The following PRKCA variants were observed in gnomAD, a reference collection of about 807,000 sequenced individuals.
The protein encoded by PRKCA is protein kinase C alpha.
PRKCA carries 27 observed loss-of-function variants against 87.0 expected under a neutral mutation model. That is an observed-to-expected ratio of 0.31 (90% confidence interval 0.23 to 0.43). PRKCA has a LOEUF of 0.43. Among genes scored for constraint, PRKCA ranks in the 20% least tolerant of loss-of-function variants. The probability of loss-of-function intolerance (pLI) is 1.00; values close to 1 mark genes in which losing one functional copy is unlikely to be tolerated. For missense variants in PRKCA, 518 were observed against 852.3 expected (o/e 0.61, Z 4.88); for synonymous variants, 329 against 311.1 (o/e 1.06, Z -0.61).
At chr17:66,766,510 T>A (rs1287873482) in intron 13 of PRKCA, among the ~76,000 whole-genome samples, 1 of 152,170 alleles carries the variant, frequency 6.6e-6, no homozygotes, top group Non-Finnish European at 1.5e-5. Context: ...CTTTACCTGA[T>A]ACACACAGCA....
intron 8 of PRKCA, among the ~76,000 whole-genome samples, chr17:66,719,071 A>G (rs900521160): frequency 6.6e-6 from 1 of 152,160 alleles, no homozygotes; most frequent in African/African-American, 2.4e-5. Flanking sequence ...AAAGGTCACA[A>G]ACAAGTAATT....
intron 2 of PRKCA, among the ~76,000 whole-genome samples, chr17:66,395,944 G>C (rs1910638515): frequency 6.6e-6 from 1 of 151,996 alleles, no homozygotes; most frequent in South Asian, 2.1e-4. Flanking sequence ...CCTTAATTAT[G>C]GGAAGGAATT....
intron 5 of PRKCA, among the ~76,000 whole-genome samples, chr17:66,649,766 G>A (rs1469261382): frequency 1.3e-5 from 2 of 152,188 alleles, no homozygotes; most frequent in African/African-American, 4.8e-5. Flanking sequence ...GGAGAAAAGA[G>A]TAACACAAGA....
intron 3 of PRKCA, among the ~76,000 whole-genome samples, chr17:66,500,125 G>A (rs1381100044): frequency 1.3e-5 from 2 of 152,166 alleles, no homozygotes; most frequent in Non-Finnish European, 2.9e-5. Flanking sequence ...TCTGTCATGT[G>A]AGTACACAGC....
intron 3 of PRKCA, among the ~76,000 whole-genome samples, chr17:66,591,172 A>G (rs1317785582): frequency 6.6e-6 from 1 of 152,150 alleles, no homozygotes; most frequent in Non-Finnish European, 1.5e-5. Context: ...GTTGTTTTAA[A>G]GACAGGGTCT....
chr17:66,441,363 G>C (rs1913745644), intron 2 of PRKCA, among the ~76,000 whole-genome samples: 1 of 151,656 alleles, frequency 6.6e-6, no homozygotes, highest in African/African-American at 2.4e-5. Flanking sequence ...AAAAAGATTG[G>C]GGTGCTCTTA....
At chr17:66,436,865 A>T (rs1913422071) in intron 2 of PRKCA, among the ~76,000 whole-genome samples, 1 of 152,192 alleles carries the variant, frequency 6.6e-6, no homozygotes, top group African/African-American at 2.4e-5. Flanking sequence ...AAGATGTCGT[A>T]TAAGTCAGAT....
At chr17:66,656,448 G>C (rs1971735535) in intron 5 of PRKCA, among the ~76,000 whole-genome samples, 1 of 152,206 alleles carries the variant, frequency 6.6e-6, no homozygotes, top group Non-Finnish European at 1.5e-5. Flanking sequence ...GGTCATTCTT[G>C]TGCAGGATTT....
At chr17:66,509,064 A>T (rs559227063) in intron 3 of PRKCA, among the ~76,000 whole-genome samples, 30 of 152,060 alleles carry the variant, frequency 2.0e-4, no homozygotes, top group Non-Finnish European at 4.1e-4. Context: ...ACACACACTT[A>T]ATAGGCTTCC....
rs148997969 is a variant in PRKCA at position 66,349,643 on chromosome 17, C to T, written c.205+43516C>T. On this transcript the variant is annotated intron_variant, in intron 2 of 16. Transcript: ENST00000413366. ...TCTGGCAGGACAGAGAGGGTTTTCC[C>T]GGGCCTTTAGTTGTCCAGGTCCTGT... Among the ~76,000 whole-genome samples, 357 of 152,210 alleles carry T rather than the reference C, an allele frequency of 2.3e-3. 9 individuals carry two copies. The highest frequency in any genetic ancestry group is 0.021 in the Admixed American group (316 of 15,294).
chr17:66,378,237 C>T lies in PRKCA; in HGVS notation c.205+72110C>T, dbSNP rs560721979. On this transcript the variant is annotated intron_variant, in intron 2 of 16. Coordinates refer to ENST00000413366, the MANE Select transcript of PRKCA (RefSeq NM_002737.3). ...ACTCAGGAGGCTGAGGCAGGAGAAT[C>T]GCTTGAACCTGGAAGGCAGTGAGCT... 3.9e-5 allele frequency among the ~76,000 whole-genome samples: 6 copies of T among 152,172 alleles called. No homozygotes were observed. The South Asian group carries it at 8.3e-4, about 21-fold the overall frequency.
At chr17:66,512,245 C>CA (rs1262152143) in intron 3 of PRKCA, among the ~76,000 whole-genome samples, 3 of 152,114 alleles carry the variant, frequency 2.0e-5, no homozygotes, top group Admixed American at 1.3e-4. Flanking sequence ...TATGTATACC[C>CA]AGCCTGGCCA....
At chr17:66,644,807 A>G (rs4393603) in intron 4 of PRKCA, among the ~76,000 whole-genome samples, 95,822 of 151,758 alleles carry the variant, frequency 0.63, 30,425 homozygotes, top group African/African-American at 0.72. Flanking sequence ...GCCCAGAATG[A>G]CATAAAGAAT....
chr17:66,480,267 G>A (rs543713293), intron 2 of PRKCA, among the ~76,000 whole-genome samples: 2 of 152,140 alleles, frequency 1.3e-5, no homozygotes, highest in Middle Eastern at 6.8e-3. Flanking sequence ...TCCCTTGGAC[G>A]CCTTCAGATT....
chr17:66,771,127 C>T (rs925787789), intron 13 of PRKCA, among the ~76,000 whole-genome samples: 2 of 151,866 alleles, frequency 1.3e-5, no homozygotes, highest in Admixed American at 6.6e-5. Context: ...CTCAGCCTCC[C>T]GAGTAGCTGG....
In PRKCA at chr17:66,803,205, G is replaced by C. The variant is rs1327765815; in HGVS notation, c.1855-668G>C. Among the ~76,000 whole-genome samples, 1 of 152,098 alleles carries C rather than the reference G, an allele frequency of 6.6e-6. No individual in the cohort carries two copies. Among genetic ancestry groups the C allele is most frequent in the Non-Finnish European group, 1.5e-5 (1 of 68,022 alleles). ...GCCATGCAAACATCCTCCAGCCTGA[G>C]ACCACCCTGCAAATAAGCTCCAGTC... On this transcript the variant is annotated intron_variant, in intron 16 of 16. Coordinates refer to ENST00000413366, the MANE Select transcript of PRKCA (RefSeq NM_002737.3). This position sits in a 1 kb window ranked among gnomAD's most constrained non-coding sequence, Gnocchi z 4.4.
intron 2 of PRKCA, chr17:66,403,770 C>T (rs1166566275): frequency 6.6e-6 from 1 of 152,068 alleles, no homozygotes; most frequent in Non-Finnish European, 1.5e-5. Flanking sequence ...AGCTTTGAAG[C>T]ATAACATTAG....
At chr17:66,586,131 G>A (rs1206263578) in intron 3 of PRKCA, among the ~76,000 whole-genome samples, 1 of 152,140 alleles carries the variant, frequency 6.6e-6, no homozygotes, top group Admixed American at 6.5e-5. Flanking sequence ...TGTCATTGTC[G>A]TTGCTATGGT....
At chr17:66,349,380 A>G (rs1424544056) in intron 2 of PRKCA, among the ~76,000 whole-genome samples, 1 of 152,104 alleles carries the variant, frequency 6.6e-6, no homozygotes, top group Non-Finnish European at 1.5e-5. Context: ...CGCATTTGGC[A>G]AGGTTGCACA....
Sources: gnomAD v4.1 joint callset for allele counts (sites outside exome capture counted in the v4.1 genomes callset) on GRCh38, gnomAD v4.1.1 for gene constraint, Gnocchi (gnomAD v3.1) non-coding constraint, MANE v1.5 for transcripts, NCBI Gene and HGNC (gene_info 2026-07-23, HGNC 2026-07-21) for gene names.